Variants in EHHADH observed in about 807,000 individuals in gnomAD.
EHHADH encodes enoyl-CoA hydratase and 3-hydroxyacyl CoA dehydrogenase, also known as peroxisomal bifunctional enzyme.
A neutral mutation model predicts 64.4 loss-of-function variants in EHHADH; 48 were observed. The observed-to-expected ratio is 0.75, with a 90% CI of 0.59 to 0.95. EHHADH has a LOEUF of 0.95. Ranked by LOEUF, EHHADH falls within the 40% of genes least tolerant of loss-of-function variation. EHHADH has a pLI of 0.00. For missense variants in EHHADH, 854 were observed against 876.6 expected, an observed-to-expected ratio of 0.97 and a Z score of 0.33; for synonymous variants, 308 against 326.7, an observed-to-expected ratio of 0.94 and a Z score of 0.62.
In EHHADH at chr3:185,246,055, G is replaced by A. The variant is rs878938077; in HGVS notation, c.178+2359C>T. The A allele has an allele frequency of 3.6e-5, 46 of 1,287,506 alleles. 1 individual carries two copies. Among genetic ancestry groups the A allele is most frequent in the Non-Finnish European group, 5.0e-5 (44 of 885,292 alleles). 79.8% of individuals were successfully genotyped at this position (1,287,506 alleles called of 1,614,324 possible). On this transcript the variant is annotated intron_variant, in intron 2 of 6. Transcript: ENST00000231887. ...GTAGTTCATCCTCATCTGGGAACTT[G>A]ACATTCTTCTTTTTCTTCTTTTTAT...
At chr3:185,195,329 G>T (rs1223563742) in intron 6 of EHHADH, among the ~76,000 whole-genome samples, 8 of 152,186 alleles carry the variant, frequency 5.3e-5, no homozygotes, top group Admixed American at 5.2e-4. Context: ...CACTAGGATT[G>T]CAATAATGAA....
intron 1 of EHHADH, among the ~76,000 whole-genome samples, chr3:185,252,139 T>A (rs527807324): frequency 6.6e-6 from 1 of 152,142 alleles, no homozygotes; most frequent in Non-Finnish European, 1.5e-5. Context: ...ACGTGGCTCA[T>A]GCCTGTAATC....
At chr3:185,249,632 A>G (rs1228064450) in intron 1 of EHHADH, among the ~76,000 whole-genome samples, 2 of 152,204 alleles carry the variant, frequency 1.3e-5, no homozygotes, top group Non-Finnish European at 2.9e-5. Context: ...TGAAGAAGGT[A>G]CTTGCTTCTC....
At chr3:185,228,814 AT>A (rs921123195) in intron 4 of EHHADH, among the ~76,000 whole-genome samples, 9 of 151,268 alleles carry the variant, frequency 5.9e-5, no homozygotes, top group Non-Finnish European at 8.9e-5. Context: ...TTATATTACA[AT>A]TTTTTTTTAG....
At chr3:185,198,312 G>A (rs1445174001) in intron 6 of EHHADH, among the ~76,000 whole-genome samples, 5 of 151,894 alleles carry the variant, frequency 3.3e-5, no homozygotes, top group African/African-American at 9.7e-5. Flanking sequence ...TCCGCCTCCC[G>A]AGTTCAAGCG....
chr3:185,237,951 T>A (rs1416807594), intron 2 of EHHADH, among the ~76,000 whole-genome samples: 1 of 152,194 alleles, frequency 6.6e-6, no homozygotes, highest in African/African-American at 2.4e-5. Flanking sequence ...TCCCTCTGTA[T>A]GTCCATGTGT....
intron 4 of EHHADH, among the ~76,000 whole-genome samples, chr3:185,228,158 C>T (rs1289511284): frequency 1.4e-5 from 2 of 140,104 alleles, no homozygotes; most frequent in Admixed American, 1.5e-4. Context: ...TCACTTGAAC[C>T]CAGGAGGCGG....
chr3:185,219,384 C>A (rs1456699599), intron 4 of EHHADH, among the ~76,000 whole-genome samples: 1 of 152,212 alleles, frequency 6.6e-6, no homozygotes, highest in African/African-American at 2.4e-5. Context: ...GTTAGTGACA[C>A]TAAGCAGCAG....
intron 5 of EHHADH, among the ~76,000 whole-genome samples, chr3:185,206,552 G>T (rs1457216037): frequency 2.0e-5 from 3 of 152,158 alleles, no homozygotes; most frequent in African/African-American, 7.2e-5. Flanking sequence ...TGACAGCCAG[G>T]TGCAGTGGCT....
chr3:185,233,905 A>G (rs1055626519), intron 3 of EHHADH, among the ~76,000 whole-genome samples: 1 of 152,164 alleles, frequency 6.6e-6, no homozygotes, highest in African/African-American at 2.4e-5. Flanking sequence ...CGGCCTCCCA[A>G]AGTGCTGGGA....
chr3:185,211,375 G>A (rs1302857567), intron 5 of EHHADH, among the ~76,000 whole-genome samples: 1 of 152,140 alleles, frequency 6.6e-6, no homozygotes, highest in African/African-American at 2.4e-5. Flanking sequence ...TTAGTTCTAT[G>A]AGGTATTCTA....
chr3:185,221,833 GA>G (rs1391804547), intron 4 of EHHADH, among the ~76,000 whole-genome samples: 9 of 151,764 alleles, frequency 5.9e-5, no homozygotes, highest in Non-Finnish European at 1.3e-4. Context: ...CTTGGACTCT[GA>G]AAGTGCTGGG....
chr3:185,226,016 C>A (rs189991247), intron 4 of EHHADH, among the ~76,000 whole-genome samples: 2 of 152,252 alleles, frequency 1.3e-5, no homozygotes, highest in Admixed American at 1.3e-4. Context: ...ATCTATCTAT[C>A]TATCTAAATT....
At chr3:185,247,823 T>C (rs564718772) in intron 2 of EHHADH, 7 of 152,346 alleles carry the variant, frequency 4.6e-5, no homozygotes, top group Admixed American at 3.9e-4. Context: ...CATTTCAGCA[T>C]ACTTTTGCCA....
chr3:185,212,123 A>G (rs1353600634), intron 5 of EHHADH, among the ~76,000 whole-genome samples: 2 of 152,234 alleles, frequency 1.3e-5, no homozygotes, highest in East Asian at 1.9e-4. Context: ...TGCCAGAAAC[A>G]TGCACATGAG....
At chr3:185,207,154 G>A (rs1437190614) in intron 5 of EHHADH, among the ~76,000 whole-genome samples, 2 of 152,044 alleles carry the variant, frequency 1.3e-5, no homozygotes, top group African/African-American at 4.8e-5. Flanking sequence ...GCCGGGCATG[G>A]TGGCGCACCC....
rs1316974093 is a variant in EHHADH at position 185,192,845 on chromosome 3, G to C, written c.1553C>G (p.Pro518Arg). The change falls in exon 7 of 7, where the codon CCT (proline) becomes CGT (arginine). Residue 518 changes from proline (P) to arginine (R), a missense_variant. Coordinates refer to ENST00000231887, the MANE Select transcript of EHHADH (RefSeq NM_001966.4). ...VLEEFGFKMG[P>R]FRVSDLAGLD... ...CCCAGCAAGATCAGACACTCTAAAA[G>C]GTCCCATTTTAAAACCAAACTCTTC... The C allele has an allele frequency of 6.2e-7, 1 of 1,614,052 alleles. No homozygotes were observed. Among genetic ancestry groups the C allele is most frequent in the Non-Finnish European group, 8.5e-7 (1 of 1,180,020 alleles).
chr3:185,220,142 G>A (rs867863099), intron 4 of EHHADH, among the ~76,000 whole-genome samples: 9 of 152,306 alleles, frequency 5.9e-5, no homozygotes, highest in African/African-American at 2.2e-4. Context: ...CAACTAAGCA[G>A]GGAGAATGTG....
intron 5 of EHHADH, among the ~76,000 whole-genome samples, chr3:185,205,984 A>G (rs962461236): frequency 6.6e-6 from 1 of 152,132 alleles, no homozygotes; most frequent in Non-Finnish European, 1.5e-5. Context: ...AAGTAAGTCA[A>G]CTATAACCTA....
Sources: gnomAD v4.1 joint callset for allele counts (sites outside exome capture counted in the v4.1 genomes callset) on GRCh38, gnomAD v4.1.1 for gene constraint, MANE v1.5 for transcripts, NCBI Gene and HGNC (gene_info 2026-07-23, HGNC 2026-07-21) for gene names.